CALB2: variants seen among roughly 807,000 people sequenced by gnomAD.
The protein encoded by CALB2 is calretinin.
A neutral mutation model predicts 45.9 loss-of-function variants in CALB2; 34 were observed. That is an observed-to-expected ratio of 0.74 (90% CI 0.56 to 0.99). The LOEUF (loss-of-function observed/expected upper bound fraction) is 0.99. Ranked by LOEUF, CALB2 falls within the 50% of genes least tolerant of loss-of-function variation. The pLI is 0.00. For missense variants in CALB2, 344 were observed against 339.3 expected (o/e 1.01, Z -0.11); for synonymous variants, 142 against 129.6 (o/e 1.10, Z -0.65).
At chr16:71,380,777 T>G (rs543820654) in intron 4 of CALB2, among the ~76,000 whole-genome samples, 1 of 152,264 alleles carries the variant, frequency 6.6e-6, no homozygotes, top group South Asian at 2.1e-4. Flanking sequence ...AAGCCTGAAA[T>G]GGTCCCTCAG....
chr16:71,367,646 G>A (rs1238473051), intron 1 of CALB2, among the ~76,000 whole-genome samples: 1 of 152,198 alleles, frequency 6.6e-6, no homozygotes, highest in African/African-American at 2.4e-5. Context: ...CTCCCAGGCT[G>A]ACCATTGATG....
chr16:71,366,338 T>G (rs544980075), intron 1 of CALB2, among the ~76,000 whole-genome samples: 4,682 of 46,348 alleles, frequency 0.1, 133 homozygotes, highest in Admixed American at 0.14. Flanking sequence ...TTTTTTTTTT[T>G]TTTTTTGAGA....
intron 4 of CALB2, 68 bp downstream of exon 4, chr16:71,377,815 C>CAGGAGGGTGGGCCTGG: frequency 8.9e-7 from 1 of 1,123,194 alleles, no homozygotes; most frequent in Non-Finnish European, 1.4e-6. Context: ...CAGAGCCAGG[C>CAGGAGGGTGGGCCTGG]CCACCCTCCT....
chr16:71,371,756 C>T (rs1242548014), intron 1 of CALB2, among the ~76,000 whole-genome samples: 3 of 152,164 alleles, frequency 2.0e-5, no homozygotes, highest in African/African-American at 7.2e-5. Context: ...TGGGGGAGCA[C>T]TCCAACCCGC....
In CALB2 at chr16:71,388,707, G is replaced by A. The variant is rs147191178; in HGVS notation, c.700-1042G>A. The stretch of plus-strand genomic sequence containing the variant: ...TTCCTTGCTTAAATAGGGGCTGGGT[G>A]CAGTGGTTCACACCTGTAATCACAG... On this transcript the variant is annotated intron_variant, in intron 10 of 10. Coordinates refer to ENST00000302628, the MANE Select transcript of CALB2 (RefSeq NM_001740.5). Among the ~76,000 whole-genome samples, 94 of 152,100 alleles carry A rather than the reference G, an allele frequency of 6.2e-4. No homozygotes were observed. In the East Asian group the frequency reaches 0.014, roughly 23 times the overall value.
intron 2 of CALB2, among the ~76,000 whole-genome samples, chr16:71,373,048 A>G (rs1046507243): frequency 6.6e-6 from 1 of 152,148 alleles, no homozygotes; most frequent in Non-Finnish European, 1.5e-5. Context: ...ACGTGGCACT[A>G]CTGAGTTTGC....
chr16:71,375,266 G>T (rs1466116229), intron 3 of CALB2, among the ~76,000 whole-genome samples: 16 of 152,060 alleles, frequency 1.1e-4, no homozygotes, highest in Admixed American at 1.0e-3. Context: ...TACATAATTT[G>T]CATATAACAT....
At chr16:71,367,358 C>T (rs140197019) in intron 1 of CALB2, among the ~76,000 whole-genome samples, 10 of 152,266 alleles carry the variant, frequency 6.6e-5, no homozygotes, top group East Asian at 1.9e-4. Flanking sequence ...TCACCCCACC[C>T]GCTGCAAGAG....
At chr16:71,366,397 C>T (rs927185437) in intron 1 of CALB2, among the ~76,000 whole-genome samples, 1 of 136,900 alleles carries the variant, frequency 7.3e-6, no homozygotes, top group East Asian at 2.3e-4. Context: ...GTGGCACAAT[C>T]TCACCTCACT....
At chr16:71,361,455 T>C (rs2042237786) in intron 1 of CALB2, among the ~76,000 whole-genome samples, 2 of 152,108 alleles carry the variant, frequency 1.3e-5, no homozygotes, top group Admixed American at 1.3e-4. Context: ...CCAATTCTGG[T>C]TTCCGTTTTC....
At chr16:71,383,823 G>A (rs1186446572) in intron 6 of CALB2, 147 bp from the exon 7 acceptor site, 12 of 872,092 alleles carry the variant, frequency 1.4e-5, no homozygotes, top group Middle Eastern at 2.2e-4. Context: ...GACTGATTTA[G>A]CCCATGTTGG....
At chr16:71,384,054 T>A (rs773170546) in intron 7 of CALB2, 29 bp downstream of exon 7, 1 of 1,607,506 alleles carries the variant, frequency 6.2e-7, no homozygotes, top group Non-Finnish European at 8.5e-7. Context: ...GGGTCACTGA[T>A]ACTGGCTCCC....
chr16:71,389,163 A>AGGCCAC (rs2042607247), intron 10 of CALB2, among the ~76,000 whole-genome samples: 1 of 151,918 alleles, frequency 6.6e-6, no homozygotes, highest in South Asian at 2.1e-4. Flanking sequence ...ACTCCCGTCT[A>AGGCCAC]GGCCACAGAG....
chr16:71,374,436 G>A (rs1465266650), intron 2 of CALB2, among the ~76,000 whole-genome samples: 1 of 152,216 alleles, frequency 6.6e-6, no homozygotes, highest in Admixed American at 6.5e-5. Context: ...ATGGGAACAA[G>A]TCCAAACCCT....
intron 10 of CALB2, chr16:71,389,458 C>A (rs2042610813): frequency 1.8e-6 from 1 of 554,798 alleles, no homozygotes; most frequent in African/African-American, 1.9e-5. Context: ...GTAATCATCG[C>A]AACACCTCCA....
intron 3 of CALB2, among the ~76,000 whole-genome samples, chr16:71,375,123 G>A (rs1598166543): frequency 6.6e-6 from 1 of 152,236 alleles, no homozygotes; most frequent in East Asian, 1.9e-4. Context: ...AGACACTAGG[G>A]AGGCTGAAGA....
intron 3 of CALB2, among the ~76,000 whole-genome samples, chr16:71,376,586 C>T (rs1357458199): frequency 6.6e-6 from 1 of 152,118 alleles, no homozygotes; most frequent in East Asian, 1.9e-4. Context: ...CACCCACATA[C>T]ATCCACATCC....
Position 71,389,806 on chromosome 16 carries a change from G to GCAGGGAAGCT in CALB2, c.759_768dup (p.Tyr257ArgfsTer38). 1.9e-6 allele frequency: 3 copies of GCAGGGAAGCT among 1,614,104 alleles called. No individual in the cohort carries two copies. The highest frequency in any genetic ancestry group is 2.5e-6 in the Non-Finnish European group (3 of 1,180,020). On this transcript the variant is annotated frameshift_variant, in exon 11 of 11. Coordinates refer to ENST00000302628, the MANE Select transcript of CALB2 (RefSeq NM_001740.5). LOFTEE classifies it high-confidence loss of function. ...AAAGAGCGTCATGTCCTTGGCAGAG[G>GCAGGGAAGCT]CAGGGAAGCTCTACCGCAAGGACCT... is the stretch of plus-strand genomic sequence containing the variant.
intron 4 of CALB2, among the ~76,000 whole-genome samples, chr16:71,380,434 GCC>G (rs1567541630): frequency 3.4e-5 from 5 of 146,032 alleles, no homozygotes; most frequent in Non-Finnish European, 7.5e-5. Flanking sequence ...TCAGCCTCCC[GCC>G]GAGCTCGGAT....
Sources: allele counts gnomAD v4.1 joint callset (sites outside exome capture counted in the v4.1 genomes callset), GRCh38; gene constraint gnomAD v4.1.1; transcripts MANE v1.5; gene names NCBI Gene and HGNC (gene_info 2026-07-23, HGNC 2026-07-21).